The following NMNAT3 variants were observed in gnomAD, a reference collection of about 807,000 sequenced individuals.
NMNAT3 encodes the protein nicotinamide/nicotinic acid mononucleotide adenylyltransferase 3.
A neutral mutation model predicts 24.8 loss-of-function variants in NMNAT3; 21 were observed. That is an observed-to-expected ratio of 0.85 (90% CI 0.60 to 1.22). The LOEUF (loss-of-function observed/expected upper bound fraction) is 1.22, where lower values mean the gene tolerates loss of function less well. Among genes scored for constraint, NMNAT3 ranks in the 50% most tolerant of loss-of-function variants. NMNAT3 has a pLI of 0.00. For synonymous variants in NMNAT3, 136 were observed against 155.2 expected (o/e 0.88, Z 0.92); for missense variants, 387 against 436.6 (o/e 0.89, Z 1.01).
chr3:139,653,954 C>G (rs2108398193), intron 1 of NMNAT3, among the ~76,000 whole-genome samples: 1 of 152,292 alleles, frequency 6.6e-6, no homozygotes, highest in Non-Finnish European at 1.5e-5. Context: ...TGGTCAAGGG[C>G]AAATAGTGCC....
chr3:139,596,329 C>A (rs1280249934), intron 3 of NMNAT3, among the ~76,000 whole-genome samples: 1 of 152,024 alleles, frequency 6.6e-6, no homozygotes, highest in African/African-American at 2.4e-5. Flanking sequence ...AGGTGCAGGT[C>A]AAAGGAAACA....
intron 6 of NMNAT3, 131 bp downstream of exon 6, chr3:139,573,467 C>A (rs981206660): frequency 2.3e-6 from 1 of 439,562 alleles, no homozygotes; most frequent in Non-Finnish European, 4.1e-6. Context: ...ACCAGGCAGG[C>A]CTTAAATTCC....
At chr3:139,633,819 T>C (rs1353428110) in intron 2 of NMNAT3, among the ~76,000 whole-genome samples, 3 of 152,100 alleles carry the variant, frequency 2.0e-5, no homozygotes, top group Non-Finnish European at 2.9e-5. Flanking sequence ...CCTGGGTGCC[T>C]ATGGAGTTTA....
intron 1 of NMNAT3, among the ~76,000 whole-genome samples, chr3:139,641,326 C>G (rs2108356641): frequency 6.6e-6 from 1 of 152,364 alleles, no homozygotes; most frequent in Admixed American, 6.5e-5. Flanking sequence ...TTCCAAAGAA[C>G]TAACGTATTG....
chr3:139,621,210 A>G (rs2055756317), intron 3 of NMNAT3, among the ~76,000 whole-genome samples: 1 of 152,122 alleles, frequency 6.6e-6, no homozygotes, highest in Non-Finnish European at 1.5e-5. Flanking sequence ...TCAATTTTTA[A>G]TTTTAGTCAT....
intron 1 of NMNAT3, among the ~76,000 whole-genome samples, chr3:139,648,715 C>A (rs2056954517): frequency 1.3e-5 from 2 of 152,122 alleles, no homozygotes; most frequent in African/African-American, 4.8e-5. Context: ...GGTTTATCTG[C>A]AATAGTGAAA....
chr3:139,628,760 A>T (rs2056165531), intron 2 of NMNAT3, among the ~76,000 whole-genome samples: 1 of 152,220 alleles, frequency 6.6e-6, no homozygotes, highest in South Asian at 2.1e-4. Context: ...GGCCTAGGGC[A>T]AATCACAGAC....
chr3:139,584,308 C>A, intron 3 of NMNAT3: 2 of 157,572 alleles, frequency 1.3e-5, no homozygotes. Flanking sequence ...TCCTCTTCAG[C>A]CGAGCACGCA....
intron 3 of NMNAT3, among the ~76,000 whole-genome samples, chr3:139,601,585 G>A (rs1461543424): frequency 4.6e-5 from 7 of 152,152 alleles, no homozygotes; most frequent in Admixed American, 4.6e-4. Flanking sequence ...AAGTCAAGAG[G>A]GGAACACACT....
intron 5 of NMNAT3, among the ~76,000 whole-genome samples, chr3:139,574,312 T>C (rs1576536527): frequency 6.6e-6 from 1 of 152,228 alleles, no homozygotes; most frequent in Admixed American, 6.5e-5. Context: ...TTCAAGTCTC[T>C]ATGTGGATGG....
At chr3:139,644,882 G>T (rs2108367073) in intron 1 of NMNAT3, among the ~76,000 whole-genome samples, 1 of 152,238 alleles carries the variant, frequency 6.6e-6, no homozygotes, top group Admixed American at 6.5e-5. Flanking sequence ...GAATAGAAAG[G>T]TAATGTTATC....
intron 4 of NMNAT3, among the ~76,000 whole-genome samples, chr3:139,579,908 T>G (rs9810949): frequency 0.14 from 21,104 of 152,270 alleles, 1,916 homozygotes; most frequent in Non-Finnish European, 0.21. Flanking sequence ...TTAGTTAATA[T>G]GGTAAATTGC....
intron 3 of NMNAT3, among the ~76,000 whole-genome samples, chr3:139,597,119 G>A (rs1419099259): frequency 6.6e-6 from 1 of 151,684 alleles, no homozygotes; most frequent in Non-Finnish European, 1.5e-5. Context: ...CCACCTGCAA[G>A]TAATGAAAAC....
At chr3:139,660,558 G>A (rs558020195) in intron 1 of NMNAT3, among the ~76,000 whole-genome samples, 73 of 152,286 alleles carry the variant, frequency 4.8e-4, no homozygotes, top group African/African-American at 1.7e-3. Flanking sequence ...TATGTTCAAA[G>A]GCTTATAGGA....
intron 2 of NMNAT3, among the ~76,000 whole-genome samples, chr3:139,632,423 C>A (rs1576695956): frequency 3.3e-5 from 5 of 152,368 alleles, no homozygotes; most frequent in Admixed American, 3.3e-4. Context: ...CCAAGGTCAT[C>A]CCTCTGCCCT....
chr3:139,600,964 C>A (rs1221958485), intron 3 of NMNAT3, among the ~76,000 whole-genome samples: 1 of 152,166 alleles, frequency 6.6e-6, no homozygotes, highest in African/African-American at 2.4e-5. Context: ...AAGCACTCAC[C>A]AGAACTCCCA....
At chr3:139,564,849 A>G (rs1936932938) in intron 6 of NMNAT3, among the ~76,000 whole-genome samples, 1 of 152,266 alleles carries the variant, frequency 6.6e-6, no homozygotes, top group Non-Finnish European at 1.5e-5. Context: ...AATTACAAAC[A>G]TCAAACTGTG....
intron 1 of NMNAT3, among the ~76,000 whole-genome samples, chr3:139,665,097 A>C (rs975504564): frequency 6.6e-6 from 1 of 152,156 alleles, no homozygotes; most frequent in African/African-American, 2.4e-5. Flanking sequence ...TGAACAGGAC[A>C]AGCTGTCAGG....
intron 6 of NMNAT3, among the ~76,000 whole-genome samples, chr3:139,564,488 C>T (rs760556983): frequency 1.3e-5 from 2 of 152,168 alleles, no homozygotes; most frequent in African/African-American, 4.8e-5. Flanking sequence ...GCGCCACCTT[C>T]ACAAAAGACA....
Sources: allele counts gnomAD v4.1 joint callset (sites outside exome capture counted in the v4.1 genomes callset), GRCh38; gene constraint gnomAD v4.1.1; transcripts MANE v1.5; gene names NCBI Gene and HGNC (gene_info 2026-07-23, HGNC 2026-07-21).